Variants in KCND2 observed in about 807,000 individuals in gnomAD.
The protein encoded by KCND2 is potassium voltage-gated channel subfamily D member 2, also known as A-type voltage-gated potassium channel KCND2.
A neutral mutation model predicts 54.4 loss-of-function variants in KCND2; 16 were observed. The observed-to-expected ratio is 0.29, with a 90% confidence interval of 0.20 to 0.45. The LOEUF is 0.45. Ranked by LOEUF, KCND2 falls within the 20% of genes least tolerant of loss-of-function variation. The pLI is 1.00. For missense variants in KCND2, 486 were observed against 824.2 expected (o/e 0.59, Z 5.02); for synonymous variants, 317 against 310.7 (o/e 1.02, Z -0.21).
chr7:120,678,547 G>A (rs1792098194), intron 1 of KCND2, among the ~76,000 whole-genome samples: 2 of 146,454 alleles, frequency 1.4e-5, no homozygotes, highest in Non-Finnish European at 3.0e-5. Flanking sequence ...AAATGTAAAT[G>A]TGTATGTATG....
At chr7:120,725,091 A>T (rs1180616291) in intron 1 of KCND2, among the ~76,000 whole-genome samples, 2 of 152,158 alleles carry the variant, frequency 1.3e-5, no homozygotes, top group African/African-American at 4.8e-5. Flanking sequence ...AACAGGAAAG[A>T]ATTTGGTTTT....
At chr7:120,448,276 A>G (rs1463672028) in intron 1 of KCND2, among the ~76,000 whole-genome samples, 1 of 151,272 alleles carries the variant, frequency 6.6e-6, no homozygotes, top group Non-Finnish European at 1.5e-5. Context: ...GAGAACATGC[A>G]GTGTTTGGTT....
At chr7:120,435,830 T>C (rs937970035) in intron 1 of KCND2, among the ~76,000 whole-genome samples, 1 of 152,148 alleles carries the variant, frequency 6.6e-6, no homozygotes, top group Non-Finnish European at 1.5e-5. Flanking sequence ...TTTGAGTGTT[T>C]GGGCAATTGA....
At chr7:120,662,534 T>C (rs1275729506) in intron 1 of KCND2, among the ~76,000 whole-genome samples, 9 of 152,206 alleles carry the variant, frequency 5.9e-5, no homozygotes, top group African/African-American at 2.2e-4. Context: ...GCAATAGCCA[T>C]GCTTTACAAA....
At chr7:120,450,887 C>T (rs939414885) in intron 1 of KCND2, among the ~76,000 whole-genome samples, 3 of 152,092 alleles carry the variant, frequency 2.0e-5, no homozygotes, top group African/African-American at 2.4e-5. Flanking sequence ...GCAGGTGGAG[C>T]GATTACTTAT....
rs370190131 is a variant in KCND2 at position 120,742,576 on chromosome 7, C to T, written c.1441C>T (p.Leu481=). The T allele has an allele frequency of 5.0e-4, 802 of 1,613,502 alleles. 3 individuals carry two copies. The Middle Eastern group carries it at 5.3e-3, about 11-fold the overall frequency. ...CAGCTTTGAAACCCAGCACCACCACCTGCTTCACTGCCTGGAAAAAACCAC... is the reference window on the plus strand; with the variant it reads ...CAGCTTTGAAACCCAGCACCACCACTTGCTTCACTGCCTGGAAAAAACCAC... ...GSSFETQHHH[L]LHCLEKTTNH... The change falls in exon 4 of 6, where the codon CTG becomes TTG. Residue 481 remains leucine (L), a synonymous_variant. Coordinates refer to ENST00000331113, the MANE Select transcript of KCND2 (RefSeq NM_012281.3).
chr7:120,439,973 T>C (rs910993110), intron 1 of KCND2, among the ~76,000 whole-genome samples: 4 of 152,084 alleles, frequency 2.6e-5, no homozygotes, highest in Non-Finnish European at 5.9e-5. Context: ...AGTGCAGATA[T>C]CAGAAATTAT....
chr7:120,549,243 A>T (rs929403036), intron 1 of KCND2, among the ~76,000 whole-genome samples: 4 of 152,164 alleles, frequency 2.6e-5, no homozygotes, highest in African/African-American at 4.8e-5. Flanking sequence ...ATTAGCAAGC[A>T]TGCCATTTTA....
chr7:120,342,799 A>G (rs1411077580), intron 1 of KCND2, among the ~76,000 whole-genome samples: 1 of 152,202 alleles, frequency 6.6e-6, no homozygotes, highest in Non-Finnish European at 1.5e-5. Context: ...CACATTTTCT[A>G]TTAAACAAAT....
At chr7:120,309,474 TACACACACACACAC>T (rs1209573900) in intron 1 of KCND2, among the ~76,000 whole-genome samples, 2 of 113,272 alleles carry the variant, frequency 1.8e-5, no homozygotes, top group African/African-American at 3.4e-5. Context: ...TATATATATA[TACACACACACACAC>T]ACACACACAC....
intron 1 of KCND2, among the ~76,000 whole-genome samples, chr7:120,609,613 A>G (rs1792926192): frequency 6.6e-6 from 1 of 152,158 alleles, no homozygotes; most frequent in Non-Finnish European, 1.5e-5. Context: ...CAAAAGCTGT[A>G]TCTTAAAAAT....
chr7:120,605,536 A>C (rs181811909), intron 1 of KCND2, among the ~76,000 whole-genome samples: 21 of 152,322 alleles, frequency 1.4e-4, no homozygotes, highest in Non-Finnish European at 2.6e-4. Flanking sequence ...ATTCATGTAT[A>C]AGATTTTATG....
chr7:120,393,478 G>C (rs1256575830), intron 1 of KCND2, among the ~76,000 whole-genome samples: 1 of 151,914 alleles, frequency 6.6e-6, no homozygotes, highest in Non-Finnish European at 1.5e-5. Context: ...TCTTTAGCAG[G>C]TGAAATGTGT....
intron 1 of KCND2, among the ~76,000 whole-genome samples, chr7:120,627,251 A>G (rs1793175234): frequency 6.6e-6 from 1 of 152,210 alleles, no homozygotes; most frequent in Non-Finnish European, 1.5e-5. Context: ...ATGTAGAAGA[A>G]GAGAAAGGCA....
At chr7:120,432,599 A>G (rs1299741076) in intron 1 of KCND2, among the ~76,000 whole-genome samples, 1 of 152,162 alleles carries the variant, frequency 6.6e-6, no homozygotes, top group Non-Finnish European at 1.5e-5. Flanking sequence ...AAGTGGCACT[A>G]CTGCTGATAA....
intron 1 of KCND2, among the ~76,000 whole-genome samples, chr7:120,555,490 A>G (rs1270139332): frequency 2.0e-5 from 3 of 152,166 alleles, no homozygotes; most frequent in Non-Finnish European, 4.4e-5. Context: ...GTAACAATTG[A>G]TTGACAAAGC....
chr7:120,276,199 A>G (rs998223698), intron 1 of KCND2, among the ~76,000 whole-genome samples: 18 of 152,198 alleles, frequency 1.2e-4, no homozygotes, highest in Non-Finnish European at 2.5e-4. Flanking sequence ...CTTATGGTGT[A>G]CATTTTTCCT....
intron 1 of KCND2, among the ~76,000 whole-genome samples, chr7:120,487,593 C>G (rs1040264895): frequency 1.8e-4 from 27 of 152,094 alleles, no homozygotes; most frequent in African/African-American, 6.5e-4. Context: ...GAGGTTTTGT[C>G]TTGTTCTTCT....
At chr7:120,499,942 G>C (rs1802908344) in intron 1 of KCND2, among the ~76,000 whole-genome samples, 1 of 152,056 alleles carries the variant, frequency 6.6e-6, no homozygotes, top group South Asian at 2.1e-4. Context: ...TCCCCACCTA[G>C]CATGGGGTGC....
Sources: allele counts gnomAD v4.1 joint callset (sites outside exome capture counted in the v4.1 genomes callset), GRCh38; gene constraint gnomAD v4.1.1; transcripts MANE v1.5; gene names NCBI Gene and HGNC (gene_info 2026-07-23, HGNC 2026-07-21).